The following GPC5 variants were observed in gnomAD, a reference collection of about 807,000 sequenced individuals.
The protein encoded by GPC5 is glypican-5.
Under a neutral mutation model 53.9 loss-of-function variants are expected in GPC5, and 47 were observed. That is an observed-to-expected ratio of 0.87 (90% CI 0.69 to 1.11). GPC5 has a LOEUF of 1.11. GPC5 is among the 50% of genes most tolerant of loss of function. The pLI, the probability that GPC5 is intolerant of heterozygous loss-of-function variation, is 0.00. For missense variants in GPC5, 748 were observed against 713.1 expected (o/e 1.05, Z -0.56); for synonymous variants, 286 against 263.3 (o/e 1.09, Z -0.84).
intron 3 of GPC5, among the ~76,000 whole-genome samples, chr13:91,727,946 T>C (rs2036610223): frequency 6.6e-6 from 1 of 152,146 alleles, no homozygotes; most frequent in South Asian, 2.1e-4. Flanking sequence ...CATTTTTCAA[T>C]GGGGATAAAT....
intron 7 of GPC5, among the ~76,000 whole-genome samples, chr13:92,780,124 G>A (rs1331922852): frequency 6.6e-6 from 1 of 151,662 alleles, no homozygotes; most frequent in Non-Finnish European, 1.5e-5. Flanking sequence ...AGTTTCCCTT[G>A]AATTTTACAT....
chr13:92,018,320 A>G (rs1284257341), intron 6 of GPC5, among the ~76,000 whole-genome samples: 2 of 152,202 alleles, frequency 1.3e-5, no homozygotes, highest in African/African-American at 2.4e-5. Flanking sequence ...GTATGTTTAA[A>G]AAAAGGTTTC....
At chr13:92,550,990 A>C (rs1462085210) in intron 7 of GPC5, among the ~76,000 whole-genome samples, 1 of 151,936 alleles carries the variant, frequency 6.6e-6, no homozygotes, top group African/African-American at 2.4e-5. Context: ...TACTCTTGGA[A>C]CATAATCAAA....
intron 4 of GPC5, among the ~76,000 whole-genome samples, chr13:91,748,823 G>T (rs2037107491): frequency 6.6e-6 from 1 of 152,096 alleles, no homozygotes; most frequent in Non-Finnish European, 1.5e-5. Flanking sequence ...AGTAAAGTAG[G>T]AGGAGAAGAC....
intron 6 of GPC5, among the ~76,000 whole-genome samples, chr13:92,096,704 A>G (rs924030162): frequency 3.3e-5 from 5 of 152,160 alleles, no homozygotes; most frequent in Admixed American, 6.5e-5. Flanking sequence ...CCTGCTCTCT[A>G]AGGACACAGC....
At position 91,402,234 on chromosome 13, in the gene GPC5, C is replaced by G. The variant is rs114494488; in HGVS notation, c.163+3025C>G. 7.8e-4 allele frequency among the ~76,000 whole-genome samples: 119 copies of G among 152,268 alleles called. 1 individual carries two copies. Among genetic ancestry groups the G allele is most frequent in the African/African-American group, 2.8e-3 (117 of 41,552 alleles). ...TGTTTGTTGATATAGAAATCTATAG[C>G]AAGTATACTCTCGATATCAAGTAGT... is the stretch of plus-strand genomic sequence containing the variant. On this transcript the variant is annotated intron_variant, in intron 1 of 7. Transcript: ENST00000377067.
intron 7 of GPC5, among the ~76,000 whole-genome samples, chr13:92,770,665 CTTG>C (rs1180058549): frequency 6.6e-6 from 1 of 152,136 alleles, no homozygotes; most frequent in Non-Finnish European, 1.5e-5. Flanking sequence ...TCTTTGTCAT[CTTG>C]TTGTTGGCAT....
chr13:92,329,648 A>G (rs1032005312), intron 7 of GPC5, among the ~76,000 whole-genome samples: 1 of 152,170 alleles, frequency 6.6e-6, no homozygotes, highest in African/African-American at 2.4e-5. Context: ...CAAATAGTAT[A>G]AAAGTTAGAG....
rs183570539 is a variant in GPC5 at position 92,287,509 on chromosome 13, G to A, written c.1561+142520G>A. Among the ~76,000 whole-genome samples, 623 of 152,132 alleles carry A rather than the reference G, an allele frequency of 4.1e-3. 5 individuals carry two copies. Among genetic ancestry groups the A allele is most frequent in the African/African-American group, 0.014 (586 of 41,510 alleles). On this transcript the variant is annotated intron_variant, in intron 7 of 7. Transcript: ENST00000377067. The stretch of plus-strand genomic sequence containing the variant: ...TTTTTCTTTAATTATGTCAAAGTGT[G>A]CCTCATACATATTGAAGCTCTTTTA...
chr13:92,304,571 A>AT (rs34052120), intron 7 of GPC5, among the ~76,000 whole-genome samples: 54,221 of 151,830 alleles, frequency 0.36, 11,059 homozygotes, highest in African/African-American at 0.56. Context: ...TAGGGATATC[A>AT]TTTTATGGTA....
chr13:91,543,605 G>T (rs1566491261), intron 2 of GPC5, among the ~76,000 whole-genome samples: 1 of 151,972 alleles, frequency 6.6e-6, no homozygotes, highest in African/African-American at 2.4e-5. Context: ...TACTTAAGTA[G>T]AATATGAGAA....
intron 7 of GPC5, among the ~76,000 whole-genome samples, chr13:92,307,595 A>G (rs1289142779): frequency 1.3e-5 from 2 of 152,242 alleles, no homozygotes; most frequent in Admixed American, 1.3e-4. Context: ...GAAATTAGGC[A>G]TTTTTGGCCT....
At chr13:92,644,079 G>A (rs754852057) in intron 7 of GPC5, among the ~76,000 whole-genome samples, 3 of 152,122 alleles carry the variant, frequency 2.0e-5, no homozygotes, top group Non-Finnish European at 4.4e-5. Context: ...AAAATTATAA[G>A]CCTATTGATA....
chr13:91,504,808 G>A (rs559577753), intron 2 of GPC5, among the ~76,000 whole-genome samples: 66 of 152,086 alleles, frequency 4.3e-4, no homozygotes, highest in Admixed American at 2.9e-3. Flanking sequence ...AAAATAATTA[G>A]CTGGGCATGG....
intron 7 of GPC5, among the ~76,000 whole-genome samples, chr13:92,230,442 A>G (rs1303633861): frequency 6.6e-6 from 1 of 152,134 alleles, no homozygotes. Context: ...AATTTAAATA[A>G]TCAACACTGA....
chr13:92,520,403 C>T (rs887409654), intron 7 of GPC5, among the ~76,000 whole-genome samples: 2 of 152,058 alleles, frequency 1.3e-5, no homozygotes, highest in Admixed American at 6.6e-5. Flanking sequence ...AAACTGAATC[C>T]AGAAGCACAT....
chr13:92,220,958 T>G (rs1459477871), intron 7 of GPC5, among the ~76,000 whole-genome samples: 1 of 152,160 alleles, frequency 6.6e-6, no homozygotes, highest in Non-Finnish European at 1.5e-5. Flanking sequence ...GTGGAGGTTG[T>G]GTATTTCCCC....
chr13:91,479,500 A>G lies in GPC5; in HGVS notation c.325+30578A>G, dbSNP rs746795590. Among the ~76,000 whole-genome samples, 40 of 152,188 alleles carry G rather than the reference A, an allele frequency of 2.6e-4. 1 individual carries two copies. The highest frequency in any genetic ancestry group is 4.6e-4 in the Non-Finnish European group (31 of 68,018). The stretch of plus-strand genomic sequence containing the variant: ...TCTGAGAGTAAGAATAAAGAAAAAC[A>G]GGATCTGGTAACAAATACTAGAAAA... On this transcript the variant is annotated intron_variant, in intron 2 of 7. Coordinates refer to ENST00000377067, the MANE Select transcript of GPC5 (RefSeq NM_004466.6).
chr13:92,046,668 G>A (rs1454089957), intron 6 of GPC5, among the ~76,000 whole-genome samples: 1 of 152,140 alleles, frequency 6.6e-6, no homozygotes, highest in Admixed American at 6.5e-5. Context: ...TAGTCACACA[G>A]TTCTATATCT....
Sources: allele counts gnomAD v4.1 joint callset (sites outside exome capture counted in the v4.1 genomes callset), GRCh38; gene constraint gnomAD v4.1.1; transcripts MANE v1.5; gene names NCBI Gene and HGNC (gene_info 2026-07-23, HGNC 2026-07-21).